Variants in LY6S observed in about 807,000 individuals in gnomAD.
LY6S encodes the protein lymphocyte antigen 6S.
At chr8:143,059,308 G>A in the LY6S span, among the ~76,000 whole-genome samples, 1 of 152,144 alleles carries the variant, frequency 6.6e-6, no homozygotes, top group Non-Finnish European at 1.5e-5. Flanking sequence ...CCCATGTGTT[G>A]ACTTCTAAAT....
chr8:143,050,918 C>A, the LY6S span, among the ~76,000 whole-genome samples: 1 of 152,238 alleles, frequency 6.6e-6, no homozygotes, highest in Non-Finnish European at 1.5e-5. Context: ...CAGGGCCCGG[C>A]TCGGGGTCGG....
chr8:143,054,325 A>AAAG, the LY6S span: 1 of 150,474 alleles, frequency 6.6e-6, no homozygotes, highest in East Asian at 1.9e-4. Flanking sequence ...AAAAAAAAAA[A>AAAG]AGAGAGAGAA....
At chr8:143,072,789 G>T in the LY6S span, among the ~76,000 whole-genome samples, 1 of 132,292 alleles carries the variant, frequency 7.6e-6, no homozygotes, top group Non-Finnish European at 1.6e-5. Flanking sequence ...GTCGTCCCCG[G>T]GGTCCCTGTT....
At chr8:143,065,744 C>CTTTCTCTT in the LY6S span, among the ~76,000 whole-genome samples, 25 of 103,606 alleles carry the variant, frequency 2.4e-4, no homozygotes, top group South Asian at 7.2e-3. Flanking sequence ...CTCTTTCTTT[C>CTTTCTCTT]TCTTTCTTTC....
chr8:143,070,447 T>TATATATATATTATATATATATTA, the LY6S span, among the ~76,000 whole-genome samples: 10 of 28,376 alleles, frequency 3.5e-4, 1 homozygote, highest in African/African-American at 3.0e-3. Context: ...ATATATATTG[T>TATATATATATTATATATATATTA]ATATATATAT....
At chr8:143,048,381 C>T in the LY6S span, among the ~76,000 whole-genome samples, 8 of 152,246 alleles carry the variant, frequency 5.3e-5, no homozygotes, top group Admixed American at 3.3e-4. Flanking sequence ...AGACACAGCC[C>T]GTTTGCTGTC....
At chr8:143,041,395 G>A in the LY6S span, among the ~76,000 whole-genome samples, 1 of 152,166 alleles carries the variant, frequency 6.6e-6, no homozygotes, top group African/African-American at 2.4e-5. Flanking sequence ...GTTTCACCTG[G>A]CTCACAGGCA....
At chr8:143,064,609 G>A in the LY6S span, among the ~76,000 whole-genome samples, 3 of 152,210 alleles carry the variant, frequency 2.0e-5, no homozygotes, top group African/African-American at 7.2e-5. Flanking sequence ...CTGAACTTGT[G>A]TGTGGCTTTA....
chr8:143,057,294 G>A, the LY6S span: 9 of 305,344 alleles, frequency 2.9e-5, no homozygotes, highest in African/African-American at 2.0e-4. Flanking sequence ...CTGTCACGCA[G>A]GCTGGAGTGC....
chr8:143,066,141 A>G, the LY6S span: 102 of 177,600 alleles, frequency 5.7e-4, no homozygotes, highest in Middle Eastern at 2.4e-3. Context: ...GATGTTTCCA[A>G]TGATGAATTT....
At chr8:143,049,187 G>A in the LY6S span, 8 of 534,638 alleles carry the variant, frequency 1.5e-5, no homozygotes, top group Non-Finnish European at 2.3e-5. Flanking sequence ...CTGGACTTTG[G>A]TATCTGTTTT....
the LY6S span, chr8:143,066,373 G>C: frequency 4.8e-6 from 1 of 207,590 alleles, no homozygotes; most frequent in Middle Eastern, 1.9e-3. Flanking sequence ...TGTTGGCCAG[G>C]CTGGTCTGGA....
chr8:143,043,220 G>T, the LY6S span: 3 of 1,367,350 alleles, frequency 2.2e-6, no homozygotes, highest in African/African-American at 4.4e-5. Context: ...CATTGCAGAG[G>T]TCTCCCTTGC....
At chr8:143,070,454 A>T in the LY6S span, among the ~76,000 whole-genome samples, 9 of 48,110 alleles carry the variant, frequency 1.9e-4, no homozygotes, top group African/African-American at 5.8e-4. Context: ...TTGTATATAT[A>T]TATATATATA....
chr8:143,072,857 T>G, the LY6S span, among the ~76,000 whole-genome samples: 112 of 58,078 alleles, frequency 1.9e-3, no homozygotes, highest in African/African-American at 3.6e-3. Flanking sequence ...GTCGTCCTCG[T>G]GGTCCCTGTT....
the LY6S span, chr8:143,049,085 G>A: frequency 1.0e-5 from 5 of 488,652 alleles, no homozygotes; most frequent in East Asian, 1.2e-4. Flanking sequence ...CCAAATGCCC[G>A]TGACCTCCTA....
the LY6S span, among the ~76,000 whole-genome samples, chr8:143,059,116 C>T: frequency 1.3e-5 from 2 of 152,160 alleles, no homozygotes; most frequent in East Asian, 1.9e-4. Flanking sequence ...CTTGCCTCGG[C>T]GCCTGGGTGG....
At chr8:143,071,153 A>C in the LY6S span, among the ~76,000 whole-genome samples, 4 of 152,036 alleles carry the variant, frequency 2.6e-5, no homozygotes, top group African/African-American at 9.7e-5. Context: ...CCCGGCATGG[A>C]ATACAGACTC....
the LY6S span, among the ~76,000 whole-genome samples, chr8:143,076,223 C>T: frequency 6.6e-6 from 1 of 152,312 alleles, no homozygotes; most frequent in Non-Finnish European, 1.5e-5. Flanking sequence ...ACACAGCTGT[C>T]CGTCTAAGAA....
Sources: allele counts gnomAD v4.1 joint callset (sites outside exome capture counted in the v4.1 genomes callset), GRCh38; gene constraint gnomAD v4.1.1; transcripts MANE v1.5; gene names NCBI Gene and HGNC (gene_info 2026-07-23, HGNC 2026-07-21).